The following CDH22 variants were observed in gnomAD, a reference collection of about 807,000 sequenced individuals.
CDH22 encodes the protein cadherin 22, also known as cadherin-22.
Under a neutral mutation model 58.4 loss-of-function variants are expected in CDH22, and 30 were observed. That is an observed-to-expected ratio of 0.51 (90% CI 0.38 to 0.70). The LOEUF (loss-of-function observed/expected upper bound fraction) is 0.70, where lower values mean the gene tolerates loss of function less well. Ranked by LOEUF, CDH22 falls within the 30% of genes least tolerant of loss-of-function variation. CDH22 has a pLI of 0.00. For synonymous variants in CDH22, 513 were observed against 558.2 expected, an observed-to-expected ratio of 0.92 and a Z score of 1.14; for missense variants, 1,014 against 1,233.9, an observed-to-expected ratio of 0.82 and a Z score of 2.67.
At chr20:46,231,808 G>T (rs1386972361) in intron 3 of CDH22, among the ~76,000 whole-genome samples, 1 of 152,150 alleles carries the variant, frequency 6.6e-6, no homozygotes, top group Non-Finnish European at 1.5e-5. Flanking sequence ...GTGGTTTCAG[G>T]TCCTACCACT....
At chr20:46,184,319 G>A (rs1568650742) in intron 10 of CDH22, among the ~76,000 whole-genome samples, 2 of 152,070 alleles carry the variant, frequency 1.3e-5, no homozygotes, top group Admixed American at 6.5e-5. Context: ...GGCTGGTCTC[G>A]AACTTCTGAC....
At position 46,226,110 on chromosome 20, in the gene CDH22, G is replaced by T. The variant is rs1346412891; in HGVS notation, c.670+1398C>A. On this transcript the variant is annotated intron_variant, in intron 4 of 11. Transcript: ENST00000537909. ...ACGTCACCTCTCAACAAACCTGATT[G>T]CCGAAGCCTGAGCTGCTTACAATTC... 5.3e-5 allele frequency among the ~76,000 whole-genome samples: 8 copies of T among 152,014 alleles called. No homozygotes were observed. The East Asian group carries it at 1.3e-3, about 26-fold the overall frequency.
At chr20:46,179,607 C>T (rs2085770216) in intron 10 of CDH22, among the ~76,000 whole-genome samples, 1 of 152,184 alleles carries the variant, frequency 6.6e-6, no homozygotes, top group Admixed American at 6.5e-5. Flanking sequence ...TCCTTTTACA[C>T]ACATTTGAGA....
At chr20:46,235,508 G>C (rs1045780552) in intron 3 of CDH22, among the ~76,000 whole-genome samples, 6 of 152,134 alleles carry the variant, frequency 3.9e-5, no homozygotes, top group African/African-American at 1.4e-4. Flanking sequence ...ATATGAACTT[G>C]GATGTTCAGT....
At chr20:46,223,021 C>T (rs949461097) in intron 4 of CDH22, among the ~76,000 whole-genome samples, 2 of 152,228 alleles carry the variant, frequency 1.3e-5, no homozygotes, top group African/African-American at 4.8e-5. Flanking sequence ...TGCCATGGGG[C>T]TGTGGGCAAG....
At chr20:46,277,504 A>G (rs1600724725) in intron 1 of CDH22, among the ~76,000 whole-genome samples, 1 of 152,148 alleles carries the variant, frequency 6.6e-6, no homozygotes, top group Non-Finnish European at 1.5e-5. Context: ...TTTTTTCTCT[A>G]TCGTTCTTTG....
intron 4 of CDH22, among the ~76,000 whole-genome samples, chr20:46,226,288 TC>T (rs59821164): frequency 0.052 from 170 of 3,300 alleles, 3 homozygotes; most frequent in African/African-American, 0.14. Context: ...TTCTTCTTCT[TC>T]TTCTTTTTTT....
chr20:46,290,806 T>C (rs1733675793), intron 1 of CDH22, among the ~76,000 whole-genome samples: 1 of 151,152 alleles, frequency 6.6e-6, no homozygotes, highest in African/African-American at 2.4e-5. Context: ...GAGAGAGTAA[T>C]AGTTTTGCAG....
chr20:46,271,166 A>T (rs1021004218), intron 1 of CDH22, among the ~76,000 whole-genome samples: 4 of 152,160 alleles, frequency 2.6e-5, no homozygotes, highest in African/African-American at 9.7e-5. Context: ...CATTGTAAAC[A>T]TCCATTTATC....
In CDH22 at chr20:46,216,024, T is replaced by C. The variant is rs1207530844; in HGVS notation, c.838+802A>G. On this transcript the variant is annotated intron_variant, in intron 5 of 11. Coordinates refer to ENST00000537909, the MANE Select transcript of CDH22 (RefSeq NM_021248.3). This position sits in a 1 kb window ranked among gnomAD's most constrained non-coding sequence, Gnocchi z 5.3. ...TCAGCTAAGGGATTGGATTCCCTTATCTCTCGGGGGTCAGTCCCCTGTGGC... is the reference window on the plus strand; with the variant it reads ...TCAGCTAAGGGATTGGATTCCCTTACCTCTCGGGGGTCAGTCCCCTGTGGC... Among the ~76,000 whole-genome samples, 3 of 152,116 alleles carry C rather than the reference T, an allele frequency of 2.0e-5. No individual in the cohort carries two copies. Among genetic ancestry groups the C allele is most frequent in the Non-Finnish European group, 4.4e-5 (3 of 68,000 alleles).
chr20:46,248,765 C>T lies in CDH22; in HGVS notation c.255+2275G>A, dbSNP rs146892683. 7.2e-3 allele frequency among the ~76,000 whole-genome samples: 1,101 copies of T among 152,252 alleles called. 6 individuals carry two copies. Among genetic ancestry groups the T allele is most frequent in the South Asian group, 0.014 (67 of 4,822 alleles). ...CGAGGAGGTTGCTGTGAACTGAGATCGTGTCACCGCACTCCAGCCTGGGTG... is the reference window on the plus strand; with the variant it reads ...CGAGGAGGTTGCTGTGAACTGAGATTGTGTCACCGCACTCCAGCCTGGGTG... On this transcript the variant is annotated intron_variant, in intron 2 of 11. Coordinates refer to ENST00000537909, the MANE Select transcript of CDH22 (RefSeq NM_021248.3).
chr20:46,298,875 T>C (rs952032371), intron 1 of CDH22, among the ~76,000 whole-genome samples: 7 of 152,194 alleles, frequency 4.6e-5, no homozygotes, highest in African/African-American at 1.4e-4. Flanking sequence ...CAAGCAGCTC[T>C]GAGTCCTGTT....
chr20:46,218,735 C>G (rs918262062), intron 4 of CDH22, among the ~76,000 whole-genome samples: 3 of 152,168 alleles, frequency 2.0e-5, no homozygotes, highest in Admixed American at 6.5e-5. Flanking sequence ...TTATTGGAAG[C>G]AGGGAGGGCA....
chr20:46,197,295 GAT>G (rs34730995), intron 8 of CDH22, among the ~76,000 whole-genome samples: 12,159 of 141,238 alleles, frequency 0.086, 848 homozygotes, highest in African/African-American at 0.19. Context: ...TCTAGGCCAG[GAT>G]ATATATATAT....
chr20:46,198,688 C>T (rs1010462029), intron 8 of CDH22, among the ~76,000 whole-genome samples: 2 of 152,220 alleles, frequency 1.3e-5, no homozygotes, highest in Admixed American at 6.5e-5. Flanking sequence ...CAAAGACTCT[C>T]CAGTGGCTCT....
At chr20:46,256,026 G>A (rs538921192) in intron 1 of CDH22, among the ~76,000 whole-genome samples, 84 of 152,266 alleles carry the variant, frequency 5.5e-4, no homozygotes, top group African/African-American at 1.6e-3. Flanking sequence ...TAATCTGTCC[G>A]TCTGCCCATG....
In CDH22 at chr20:46,210,405, CG is replaced by C; in HGVS notation, c.1187del (p.Pro396ArgfsTer21). 6.8e-7 allele frequency: 1 copy of C among 1,461,590 alleles called. No homozygotes were observed. Among genetic ancestry groups the C allele is most frequent in the Non-Finnish European group, 9.0e-7 (1 of 1,107,312 alleles). 90.5% of individuals were successfully genotyped at this position (1,461,590 alleles called of 1,614,324 possible). On this transcript the variant is annotated frameshift_variant, in exon 7 of 12. Coordinates refer to ENST00000537909, the MANE Select transcript of CDH22 (RefSeq NM_021248.3). LOFTEE classifies it high-confidence loss of function. The surrounding 1 kb of genome is among the most constrained non-coding windows in gnomAD (Gnocchi z 4.5). Reference sequence around the variant, plus strand: ...CCTGCACCTCCAGGAGGCCGGAGGGCGGCCGGAACTCGGGGGGCTCGTCCAC... The same window carrying C: ...CCTGCACCTCCAGGAGGCCGGAGGGCGCCGGAACTCGGGGGGCTCGTCCAC... ...TDVDEPPEFRPPSGLLEVQED... is the reference protein window; with the variant it reads ...TDVDEPPEFRXPSGLLEVQED...
intron 1 of CDH22, among the ~76,000 whole-genome samples, chr20:46,258,225 G>A (rs1437814654): frequency 6.6e-6 from 1 of 152,102 alleles, no homozygotes; most frequent in Non-Finnish European, 1.5e-5. Context: ...GAGGAGGGAA[G>A]GTGGGGACAT....
intron 5 of CDH22, among the ~76,000 whole-genome samples, chr20:46,215,857 A>AGGGGCT (rs1363429966): frequency 2.6e-5 from 4 of 152,124 alleles, no homozygotes; most frequent in African/African-American, 9.7e-5. Flanking sequence ...GGCTGCCTTC[A>AGGGGCT]GGGGCTGGGG....
Sources: gnomAD v4.1 joint callset for allele counts (sites outside exome capture counted in the v4.1 genomes callset) on GRCh38, gnomAD v4.1.1 for gene constraint, Gnocchi (gnomAD v3.1) non-coding constraint, MANE v1.5 for transcripts, NCBI Gene and HGNC (gene_info 2026-07-23, HGNC 2026-07-21) for gene names.